Variants in ZFHX3 observed in about 807,000 individuals in gnomAD.
The protein encoded by ZFHX3 is zinc finger homeobox protein 3.
ZFHX3 carries 42 observed loss-of-function variants against 279.1 expected under a neutral mutation model. The ratio of observed to expected loss-of-function variants is 0.15; its 90% confidence interval spans 0.12 to 0.19. The LOEUF (loss-of-function observed/expected upper bound fraction) is 0.19. Ranked by LOEUF, ZFHX3 falls within the 10% of genes least tolerant of loss-of-function variation. ZFHX3 has a pLI of 1.00. For synonymous variants in ZFHX3, 2,293 were observed against 1,957.8 expected (o/e 1.17, Z -4.52); for missense variants, 4,981 against 4,754.0 (o/e 1.05, Z -1.40).
intron 3 of ZFHX3, among the ~76,000 whole-genome samples, chr16:73,335,890 A>C (rs956598060): frequency 6.6e-6 from 1 of 152,094 alleles, no homozygotes; most frequent in Admixed American, 6.5e-5. Context: ...TGAGTTTTTG[A>C]CTCTCACTGC....
At chr16:73,095,440 G>C (rs1305348196) in intron 7 of ZFHX3, among the ~76,000 whole-genome samples, 2 of 152,064 alleles carry the variant, frequency 1.3e-5, no homozygotes, top group African/African-American at 4.8e-5. Flanking sequence ...TTTTGGGACT[G>C]GTGTTATTCA....
At chr16:73,275,682 C>T (rs2014277348) in intron 4 of ZFHX3, among the ~76,000 whole-genome samples, 1 of 152,092 alleles carries the variant, frequency 6.6e-6, no homozygotes, top group Non-Finnish European at 1.5e-5. Context: ...TGTGCCATAG[C>T]ATTATGTTTT....
upstream of ZFHX3, among the ~76,000 whole-genome samples, chr16:73,064,509 T>G (rs77137900): frequency 1.4e-5 from 2 of 142,638 alleles, no homozygotes; most frequent in Middle Eastern, 7.5e-3. Context: ...GGAACAAGCC[T>G]TTTTTTTTTT....
chr16:73,873,289 G>GGTGGGTGGTGGGTGGTT (rs2029874072), intron 1 of ZFHX3, among the ~76,000 whole-genome samples: 1 of 140,408 alleles, frequency 7.1e-6, no homozygotes, highest in Non-Finnish European at 1.6e-5. Context: ...GGTGGGTGGT[G>GGTGGGTGGTGGGTGGTT]GTGGGTGGTA....
At chr16:73,059,524 T>TTCTCTCCCTCTCTCTCTC (rs1555546370) in exon 1 of ZFHX3, 5 of 103,252 alleles carry the variant, frequency 4.8e-5, no homozygotes, top group Non-Finnish European at 9.3e-5. Context: ...ATTTTCCCCT[T>TTCTCTCCCTCTCTCTCTC]TCTCTCTCTC....
chr16:73,219,538 T>C (rs1215031154), intron 5 of ZFHX3, among the ~76,000 whole-genome samples: 1 of 152,220 alleles, frequency 6.6e-6, no homozygotes, highest in African/African-American at 2.4e-5. Flanking sequence ...GCATGCCCAG[T>C]TGACAGTCAA....
At chr16:73,429,623 G>A (rs945920607) in intron 3 of ZFHX3, among the ~76,000 whole-genome samples, 5 of 152,036 alleles carry the variant, frequency 3.3e-5, no homozygotes, top group East Asian at 1.9e-4. Flanking sequence ...ATGAGCCACC[G>A]CACCAGGCCA....
intron 5 of ZFHX3, among the ~76,000 whole-genome samples, chr16:72,822,993 A>G (rs2036837566): frequency 6.6e-6 from 1 of 152,170 alleles, no homozygotes; most frequent in Non-Finnish European, 1.5e-5. Flanking sequence ...GCTTCCCAAC[A>G]TAAAAATAGT....
At chr16:73,520,781 C>T (rs937395746) in intron 2 of ZFHX3, among the ~76,000 whole-genome samples, 3 of 152,114 alleles carry the variant, frequency 2.0e-5, no homozygotes, top group African/African-American at 7.2e-5. Context: ...ACTATTTACA[C>T]TGGAAAAATA....
chr16:73,414,719 T>C (rs1050235134), intron 3 of ZFHX3, among the ~76,000 whole-genome samples: 15 of 152,112 alleles, frequency 9.9e-5, no homozygotes, highest in African/African-American at 3.6e-4. Flanking sequence ...GTGCCTATGG[T>C]CCCAGCTGCT....
intron 3 of ZFHX3, among the ~76,000 whole-genome samples, chr16:72,927,842 G>A (rs901978068): frequency 5.3e-5 from 8 of 151,912 alleles, no homozygotes; most frequent in African/African-American, 9.7e-5. Flanking sequence ...GAGGCATGTC[G>A]AAATCAAAGG....
At chr16:73,675,492 C>T (rs895490959) in intron 2 of ZFHX3, among the ~76,000 whole-genome samples, 5 of 152,060 alleles carry the variant, frequency 3.3e-5, no homozygotes, top group African/African-American at 9.7e-5. Flanking sequence ...ATGTGTTGGG[C>T]TCTGTATCTA....
chr16:73,011,344 G>A (rs901956177), intron 1 of ZFHX3, among the ~76,000 whole-genome samples: 8 of 151,044 alleles, frequency 5.3e-5, no homozygotes, highest in African/African-American at 7.3e-5. Context: ...GTTGCCCAGC[G>A]TGGTCTCAAA....
chr16:73,133,127 C>T (rs1295110622), intron 6 of ZFHX3, among the ~76,000 whole-genome samples: 2 of 152,296 alleles, frequency 1.3e-5, no homozygotes, highest in East Asian at 3.9e-4. Context: ...GTCTGGGCAT[C>T]TCTTGGGAAT....
At chr16:73,682,064 A>G (rs902349479) in intron 1 of ZFHX3, among the ~76,000 whole-genome samples, 3 of 152,220 alleles carry the variant, frequency 2.0e-5, no homozygotes. Context: ...GGCTGATATT[A>G]CATACAGAAA....
Position 73,293,295 on chromosome 16 carries a change from G to A in ZFHX3, c.-1194+24945C>T, listed in dbSNP as rs558795725. ...GGCTATGAAGGAGACTCTGAACCCC[G>A]CTAGACCAGGAAATAACTCCACAAA... On this transcript the variant is annotated intron_variant, in intron 4 of 17. Coordinates refer to the ZFHX3 transcript ENST00000641206. Among the ~76,000 whole-genome samples the A allele has an allele frequency of 2.3e-3, 343 of 152,210 alleles. 2 individuals carry two copies. The highest frequency in any genetic ancestry group is 3.8e-3 in the Non-Finnish European group (257 of 68,000).
rs753056678 is a variant in ZFHX3 at position 72,957,832 on chromosome 16, C to T, written c.2314G>A (p.Ala772Thr). 4.3e-6 allele frequency: 7 copies of T among 1,612,366 alleles called. No individual in the cohort carries two copies. The East Asian group carries it at 6.7e-5, about 15-fold the overall frequency. ...GEQVFSHTAG[A>T]AAAAVAAAAA... The stretch of plus-strand genomic sequence containing the variant: ...GCCGCAGCCACCGCCGCCGCCGCCG[C>T]CCCGGCAGTGTGGCTGAAGACCTGC... The change falls in exon 2 of 10, where the codon GCG becomes ACG. Residue 772 changes from alanine to threonine, a missense_variant. Around this residue, in one of 7 missense-constraint regions of ZFHX3, gnomAD observed 1,751 missense variants for 1,770.0 expected, o/e 0.99. Transcript: ENST00000268489.
intron 3 of ZFHX3, among the ~76,000 whole-genome samples, chr16:72,907,545 T>TTGTGTGTGTGTGTGTGTGTGTG (rs547618913): frequency 4.2e-5 from 5 of 120,480 alleles, no homozygotes; most frequent in African/African-American, 9.6e-5. Flanking sequence ...TTTCCTCTAT[T>TTGTGTGTGTGTGTGTGTGTGTG]TGTGTGTGTG....
intron 4 of ZFHX3, among the ~76,000 whole-genome samples, chr16:73,288,757 T>G (rs2014696077): frequency 6.6e-6 from 1 of 152,090 alleles, no homozygotes; most frequent in Non-Finnish European, 1.5e-5. Context: ...ATGTCTTCAG[T>G]GCATTACGGG....
Sources: allele counts gnomAD v4.1 joint callset (sites outside exome capture counted in the v4.1 genomes callset), GRCh38; gene constraint gnomAD v4.1.1; regional missense constraint gnomAD v4.1.1; transcripts MANE v1.5; gene names NCBI Gene and HGNC (gene_info 2026-07-23, HGNC 2026-07-21).